The following UNC79 variants were observed in gnomAD, a reference collection of about 807,000 sequenced individuals.
UNC79 encodes the protein unc-79 subunit of NALCN channel complex.
UNC79 carries 37 observed loss-of-function variants against 283.1 expected under a neutral mutation model. That is an observed-to-expected ratio of 0.13 (90% CI 0.10 to 0.17). UNC79 has a LOEUF of 0.17. Ranked by LOEUF, UNC79 falls within the 10% of genes least tolerant of loss-of-function variation. The pLI, the probability that UNC79 is intolerant of heterozygous loss-of-function variation, is 1.00. For synonymous variants in UNC79, 1,107 were observed against 1,200.2 expected, an observed-to-expected ratio of 0.92 and a Z score of 1.61; for missense variants, 2,272 against 3,211.1, an observed-to-expected ratio of 0.71 and a Z score of 7.07.
intron 3 of UNC79, among the ~76,000 whole-genome samples, 195 bp from the exon 4 acceptor site, chr14:93,477,363 C>A (rs1012425977): frequency 6.6e-6 from 1 of 152,190 alleles, no homozygotes; most frequent in African/African-American, 2.4e-5. Flanking sequence ...TTAACATATT[C>A]ATTCATCAGT....
At chr14:93,551,345 G>A (rs1426551822) in intron 14 of UNC79, among the ~76,000 whole-genome samples, 2 of 152,214 alleles carry the variant, frequency 1.3e-5, no homozygotes, top group Non-Finnish European at 2.9e-5. Flanking sequence ...CACCGTGCCC[G>A]GCCAGGATTT....
At chr14:93,577,805 T>G in intron 17 of UNC79, 37 bp from the exon 18 acceptor site, 98 of 1,595,578 alleles carry the variant, frequency 6.1e-5, no homozygotes, top group Middle Eastern at 1.7e-4. Flanking sequence ...TGAGCTTCTG[T>G]GAGTTCATTT....
At chr14:93,395,156 T>C (rs2140015668) in intron 1 of UNC79, among the ~76,000 whole-genome samples, 1 of 152,324 alleles carries the variant, frequency 6.6e-6, no homozygotes, top group South Asian at 2.1e-4. Context: ...TTCTTTTATT[T>C]AATTCTGAAG....
rs530591012 is a variant in UNC79, at chr14:93,371,385, T to TC, written c.-351+37863dup. Among the ~76,000 whole-genome samples the TC allele has an allele frequency of 3.7e-3, 552 of 151,168 alleles. 5 individuals are homozygous for TC. The highest frequency in any genetic ancestry group is 0.013 in the African/African-American group (531 of 41,162). On this transcript the variant is annotated intron_variant, in intron 1 of 49. Coordinates refer to the UNC79 transcript ENST00000256339. ...CTGGGTGGCAGAGCGAGACTCCATC[T>TC]CAAAAAAACAAAAACAAAACCCAAA...
rs114210289 is a variant in UNC79 at position 93,592,026 on chromosome 14, C to T, written c.3033-1654C>T. Among the ~76,000 whole-genome samples the T allele has an allele frequency of 6.2e-3, 945 of 152,124 alleles. 12 individuals are homozygous for T. The highest frequency in any genetic ancestry group is 0.021 in the African/African-American group (851 of 41,480). ...TAACATTCCTCTCCACTGTGAGTGGCGCCACGTATGGTCTGTAAATGTTTG... is the reference window on the plus strand; with the variant it reads ...TAACATTCCTCTCCACTGTGAGTGGTGCCACGTATGGTCTGTAAATGTTTG... On this transcript the variant is annotated intron_variant, in intron 22 of 48. Transcript: ENST00000555664.
chr14:93,516,773 A>G (rs2140920581), intron 7 of UNC79, among the ~76,000 whole-genome samples: 1 of 152,114 alleles, frequency 6.6e-6, no homozygotes, highest in Non-Finnish European at 1.5e-5. Flanking sequence ...GAATGAGATT[A>G]CATTGACTAT....
At chr14:93,641,902 A>G (rs1034806985) in intron 33 of UNC79, among the ~76,000 whole-genome samples, 2 of 152,146 alleles carry the variant, frequency 1.3e-5, no homozygotes, top group Non-Finnish European at 2.9e-5. Context: ...AATAAGTCTC[A>G]TGAGATCTGA....
chr14:93,566,251 C>G (rs2062872580), intron 14 of UNC79, among the ~76,000 whole-genome samples: 1 of 152,082 alleles, frequency 6.6e-6, no homozygotes, highest in South Asian at 2.1e-4. Context: ...CTTTGGCTCC[C>G]CATGTAATGG....
chr14:93,686,700 A>G, intron 43 of UNC79, 39 bp downstream of exon 46: 1 of 1,610,124 alleles, frequency 6.2e-7, no homozygotes, highest in African/African-American at 1.3e-5. Context: ...CAGGTTCACA[A>G]AACAGAGATG....
At chr14:93,646,575 T>C in intron 34 of UNC79, 33 bp from the exon 38 acceptor site, 1 of 1,606,280 alleles carries the variant, frequency 6.2e-7, no homozygotes, top group Non-Finnish European at 8.5e-7. Flanking sequence ...AAACCTAAGA[T>C]ATTTGTGTGA....
rs1428460122 is a variant in UNC79, at chr14:93,360,954, CTGTA to C, written c.-351+27432_-351+27435del. 7.9e-5 allele frequency among the ~76,000 whole-genome samples: 12 copies of C among 152,280 alleles called. No homozygotes were observed. In the South Asian group the frequency reaches 1.9e-3, roughly 24 times the overall value. On this transcript the variant is annotated intron_variant, in intron 1 of 49. Coordinates refer to the UNC79 transcript ENST00000256339. ...ACAGGCTGGGTGCGGCAGCTCATGC[CTGTA>C]ATCCCAGCACTTTGGGAGGCCAAGG...
intron 7 of UNC79, among the ~76,000 whole-genome samples, chr14:93,512,311 G>A (rs1567029827): frequency 6.6e-6 from 1 of 152,010 alleles, no homozygotes; most frequent in East Asian, 1.9e-4. Context: ...CTCTTTGAAA[G>A]ATTTTCTGTT....
chr14:93,452,467 C>G (rs1261289038), intron 1 of UNC79, among the ~76,000 whole-genome samples: 1 of 149,130 alleles, frequency 6.7e-6, no homozygotes, highest in Admixed American at 6.8e-5. Context: ...CGGCTCACAG[C>G]AACCTCCGCC....
At chr14:93,561,227 C>T (rs1467423917) in intron 14 of UNC79, among the ~76,000 whole-genome samples, 1 of 152,004 alleles carries the variant, frequency 6.6e-6, no homozygotes, top group African/African-American at 2.4e-5. Flanking sequence ...TCCAGTGGGT[C>T]TTTGCTGAGA....
In UNC79 at chr14:93,554,116, C is replaced by T. The variant is rs140676579; in HGVS notation, c.1755+11420C>T. Among the ~76,000 whole-genome samples the T allele has an allele frequency of 1.7e-3, 253 of 152,158 alleles. 3 individuals are homozygous for T. Among genetic ancestry groups the T allele is most frequent in the African/African-American group, 5.8e-3 (241 of 41,492 alleles). ...CTGTAATCCCAGCACTTTGGGAGGCCGAGTGGGCAGATCACGAGGTCAGGA... is the reference window on the plus strand; with the variant it reads ...CTGTAATCCCAGCACTTTGGGAGGCTGAGTGGGCAGATCACGAGGTCAGGA... On this transcript the variant is annotated intron_variant, in intron 14 of 48. Coordinates refer to ENST00000555664, the Ensembl canonical transcript of UNC79.
intron 8 of UNC79, among the ~76,000 whole-genome samples, chr14:93,524,449 A>G (rs1250428130): frequency 6.6e-6 from 1 of 152,218 alleles, no homozygotes; most frequent in Non-Finnish European, 1.5e-5. Flanking sequence ...TAAAATTGTT[A>G]ATTTTTAGCT....
intron 14 of UNC79, among the ~76,000 whole-genome samples, chr14:93,570,918 A>T (rs929485954): frequency 1.1e-4 from 16 of 152,202 alleles, no homozygotes; most frequent in Non-Finnish European, 1.5e-4. Context: ...ATATTTCAGG[A>T]TCTCAGTGTT....
At chr14:93,686,477 C>T (rs1372038693) in intron 42 of UNC79, 95 bp from the exon 46 acceptor site, 13 of 1,319,124 alleles carry the variant, frequency 9.9e-6, no homozygotes, top group South Asian at 5.0e-5. Flanking sequence ...GAAAGTAAAA[C>T]GACTCCTTAG....
intron 26 of UNC79, among the ~76,000 whole-genome samples, chr14:93,606,056 A>G (rs1167508128): frequency 6.6e-6 from 1 of 152,182 alleles, no homozygotes; most frequent in African/African-American, 2.4e-5. Flanking sequence ...TCAGTGAGGC[A>G]TTTTTGAGAT....
Sources: allele counts gnomAD v4.1 joint callset (sites outside exome capture counted in the v4.1 genomes callset), GRCh38; gene constraint gnomAD v4.1.1; transcripts MANE v1.5; gene names NCBI Gene and HGNC (gene_info 2026-07-23, HGNC 2026-07-21).